Variants in HDAC9 observed in about 807,000 individuals in gnomAD.
HDAC9 encodes MEF-2 interacting transcription repressor (MITR) protein.
In HDAC9, 41 loss-of-function variants were observed where a neutral mutation model predicts 139.4. The ratio of observed to expected loss-of-function variants is 0.29; its 90% CI spans 0.23 to 0.38. HDAC9 has a LOEUF of 0.38. HDAC9 is among the 10% of genes least tolerant of loss of function. HDAC9 has a pLI of 1.00. For synonymous variants in HDAC9, 517 were observed against 476.2 expected (o/e 1.09, Z -1.12); for missense variants, 1,147 against 1,297.0 (o/e 0.88, Z 1.78).
At chr7:18,610,375 C>T (rs2128906399) in intron 6 of HDAC9, among the ~76,000 whole-genome samples, 1 of 152,198 alleles carries the variant, frequency 6.6e-6, no homozygotes, top group South Asian at 2.1e-4. Flanking sequence ...GTTTTATGTG[C>T]AGTAATGCTC....
chr7:18,188,430 T>C (rs904883267), intron 2 of HDAC9, among the ~76,000 whole-genome samples: 5 of 152,142 alleles, frequency 3.3e-5, no homozygotes, highest in Non-Finnish European at 7.4e-5. Flanking sequence ...ATTCAGGACG[T>C]AGGCATGAGC....
chr7:18,138,815 G>C (rs1469728577), intron 1 of HDAC9, among the ~76,000 whole-genome samples: 4 of 151,992 alleles, frequency 2.6e-5, no homozygotes, highest in African/African-American at 7.3e-5. Context: ...ATTAATCAGG[G>C]GCAAGGATGG....
intron 2 of HDAC9, among the ~76,000 whole-genome samples, chr7:18,252,915 T>C (rs1332895962): frequency 6.6e-6 from 1 of 152,112 alleles, no homozygotes; most frequent in African/African-American, 2.4e-5. Context: ...ACCGTCTCCC[T>C]CTTCCATCCT....
chr7:18,626,119 A>G (rs1306319929), intron 6 of HDAC9, among the ~76,000 whole-genome samples: 2 of 152,100 alleles, frequency 1.3e-5, no homozygotes, highest in Non-Finnish European at 2.9e-5. Context: ...CCCAGAAAAT[A>G]GCAATAGTGG....
intron 1 of HDAC9, among the ~76,000 whole-genome samples, chr7:18,452,045 A>G (rs1490018463): frequency 6.6e-6 from 1 of 152,170 alleles, no homozygotes; most frequent in Non-Finnish European, 1.5e-5. Context: ...ACTTTGCTGT[A>G]GGATCCATCT....
At chr7:18,189,051 T>C (rs1790132383) in intron 2 of HDAC9, among the ~76,000 whole-genome samples, 1 of 152,190 alleles carries the variant, frequency 6.6e-6, no homozygotes, top group Admixed American at 6.5e-5. Flanking sequence ...CATGTATGTT[T>C]ATTGCAGCAC....
intron 22 of HDAC9, among the ~76,000 whole-genome samples, chr7:18,883,103 G>T (rs2129258061): frequency 6.6e-6 from 1 of 152,250 alleles, no homozygotes; most frequent in African/African-American, 2.4e-5. Flanking sequence ...GGATACCTCA[G>T]TCATTGCTTG....
intron 2 of HDAC9, among the ~76,000 whole-genome samples, chr7:18,262,596 GT>G (rs1795751197): frequency 1.3e-5 from 2 of 152,124 alleles, no homozygotes; most frequent in Admixed American, 1.3e-4. Flanking sequence ...CAGTATAACT[GT>G]ATTTTTGTTT....
chr7:18,212,478 A>G (rs1027019275), intron 2 of HDAC9, among the ~76,000 whole-genome samples: 14 of 152,218 alleles, frequency 9.2e-5, no homozygotes, highest in Admixed American at 2.6e-4. Flanking sequence ...TGCGTCATCA[A>G]AGATACAGAT....
At chr7:18,371,121 G>A (rs1784560999) in intron 1 of HDAC9, among the ~76,000 whole-genome samples, 1 of 152,152 alleles carries the variant, frequency 6.6e-6, no homozygotes, top group African/African-American at 2.4e-5. Context: ...AAAGGGGTAG[G>A]CTGCATACTT....
Position 18,706,886 on chromosome 7 carries a change from G to A in HDAC9, c.1732-20694G>A, listed in dbSNP as rs535389152. ...ATGCCTTGATAGAGTTAGGTCGAGGGTGCCTTGAGAGCTCACAAAAGGAAA... is the reference window on the plus strand; with the variant it reads ...ATGCCTTGATAGAGTTAGGTCGAGGATGCCTTGAGAGCTCACAAAAGGAAA... On this transcript the variant is annotated intron_variant, in intron 12 of 25. Transcript: ENST00000686413. 2.6e-5 allele frequency among the ~76,000 whole-genome samples: 4 copies of A among 152,268 alleles called. No individual in the cohort carries two copies. In the East Asian group the frequency reaches 7.7e-4, roughly 29 times the overall value.
In HDAC9 at chr7:18,878,430, A is replaced by G. The variant is rs562036264; in HGVS notation, c.2803+3834A>G. ...TGTTCCTTTTATAAACATGTGAAAT[A>G]CATTCCTTTAATAAACATTTTATAG... On this transcript the variant is annotated intron_variant, in intron 22 of 25. Coordinates refer to ENST00000686413, the MANE Select transcript of HDAC9 (RefSeq NM_178425.4). Among the ~76,000 whole-genome samples, 7 of 152,328 alleles carry G rather than the reference A, an allele frequency of 4.6e-5. No homozygotes were observed. In the South Asian group the frequency reaches 6.2e-4, roughly 14 times the overall value.
chr7:18,710,025 C>T (rs1018812451), intron 12 of HDAC9, among the ~76,000 whole-genome samples: 2 of 152,144 alleles, frequency 1.3e-5, no homozygotes, highest in Non-Finnish European at 2.9e-5. Context: ...CTTAAAGTTC[C>T]ACGTGGCTGA....
chr7:18,796,137 TAAAATTAAG>T (rs1011497418), intron 17 of HDAC9, among the ~76,000 whole-genome samples: 1 of 152,102 alleles, frequency 6.6e-6, no homozygotes, highest in African/African-American at 2.4e-5. Flanking sequence ...GAAAATAGAG[TAAAATTAAG>T]AGCTTTATTT....
At chr7:18,222,107 C>T (rs78048791) in intron 2 of HDAC9, among the ~76,000 whole-genome samples, 1,905 of 152,118 alleles carry the variant, frequency 0.013, 31 homozygotes, top group African/African-American at 0.043. Context: ...ATGAAAGGTG[C>T]GAGGTTTAGA....
At chr7:18,339,477 A>G (rs1331424420) in intron 1 of HDAC9, among the ~76,000 whole-genome samples, 1 of 151,404 alleles carries the variant, frequency 6.6e-6, no homozygotes, top group Non-Finnish European at 1.5e-5. Flanking sequence ...CATTGTTTAA[A>G]ATATTTTTAA....
chr7:18,934,156 A>T (rs1379895329), intron 22 of HDAC9, among the ~76,000 whole-genome samples: 1 of 152,150 alleles, frequency 6.6e-6, no homozygotes, highest in Non-Finnish European at 1.5e-5. Context: ...ACTTAGGACG[A>T]TATAGAAAGC....
At position 18,485,130 on chromosome 7, in the gene HDAC9, G is replaced by A. The variant is rs1586223644; in HGVS notation, c.-41-11132G>A. ...AAACATTAGTTGGGGGGAACACATT[G>A]TTTACTGAAGATATTCCTAGGTTCG... On this transcript the variant is annotated intron_variant, in intron 1 of 3. Coordinates refer to the HDAC9 transcript ENST00000413509. Among the ~76,000 whole-genome samples, 5 of 152,224 alleles carry A rather than the reference G, an allele frequency of 3.3e-5. No homozygotes were observed. In the South Asian group the frequency reaches 1.0e-3, roughly 32 times the overall value.
At position 18,835,936 on chromosome 7, in the gene HDAC9, A is replaced by T; in HGVS notation, c.2623A>T (p.Ile875Phe). 6.4e-7 allele frequency: 1 copy of T among 1,564,054 alleles called. No individual in the cohort carries two copies. Among genetic ancestry groups the T allele is most frequent in the Non-Finnish European group, 8.7e-7 (1 of 1,152,754 alleles). ...TGLGEGYNIN[I>F]AWTGGLDPPM... ...CCTTGGAGAAGGGTACAATATAAAT[A>T]TTGCCTGGACAGGTGGCCTTGATCC... The change falls in exon 21 of 26, where the codon ATT becomes TTT. Residue 875 changes from isoleucine (I) to phenylalanine (F), a missense_variant. By Grantham distance (21) the Ile-to-Phe change is conservative (BLOSUM62 0). Around this residue, in one of 7 missense-constraint regions of HDAC9, gnomAD observed 407 missense variants for 521.5 expected, o/e 0.78. Transcript: ENST00000686413.
Sources: gnomAD v4.1 joint callset for allele counts (sites outside exome capture counted in the v4.1 genomes callset) on GRCh38, gnomAD v4.1.1 for gene constraint, gnomAD v4.1.1 regional missense constraint, MANE v1.5 for transcripts, NCBI Gene and HGNC (gene_info 2026-07-23, HGNC 2026-07-21) for gene names.